The following MAML2 variants were observed in gnomAD, a reference collection of about 807,000 sequenced individuals.
MAML2 encodes mastermind like transcriptional coactivator 2, also known as mastermind-like protein 2.
In MAML2, 22 loss-of-function variants were observed where a neutral mutation model predicts 96.1. The ratio of observed to expected loss-of-function variants is 0.23; its 90% CI spans 0.16 to 0.33. The LOEUF (loss-of-function observed/expected upper bound fraction) is 0.33. Among genes scored for constraint, MAML2 ranks in the 10% least tolerant of loss-of-function variants. The pLI, the probability that MAML2 is intolerant of heterozygous loss-of-function variation, is 1.00. For missense variants in MAML2, 1,367 were observed against 1,392.4 expected (o/e 0.98, Z 0.29); for synonymous variants, 561 against 521.3 (o/e 1.08, Z -1.04).
At chr11:96,153,474 T>C (rs1271257310) in intron 1 of MAML2, among the ~76,000 whole-genome samples, 1 of 152,222 alleles carries the variant, frequency 6.6e-6, no homozygotes, top group Non-Finnish European at 1.5e-5. Context: ...CATGAATTTA[T>C]TAGGATTAAT....
At chr11:96,071,693 C>T (rs58112248) in intron 2 of MAML2, among the ~76,000 whole-genome samples, 2,272 of 152,308 alleles carry the variant, frequency 0.015, 48 homozygotes, top group African/African-American at 0.051. Context: ...TGAAAAGACT[C>T]ATGGATATTT....
intron 1 of MAML2, among the ~76,000 whole-genome samples, chr11:96,098,202 T>C (rs1417271385): frequency 2.0e-5 from 3 of 152,152 alleles, no homozygotes; most frequent in Non-Finnish European, 4.4e-5. Context: ...GTTCAGGCCA[T>C]CACTCCTGAG....
chr11:96,218,195 A>C lies in MAML2; in HGVS notation c.513+123188T>G, dbSNP rs79476997. Among the ~76,000 whole-genome samples, 41 of 152,368 alleles carry C rather than the reference A, an allele frequency of 2.7e-4. No homozygotes were observed. The East Asian group carries it at 6.4e-3, about 24-fold the overall frequency. ...TGTGCCTTTTGAATTTTTCCACAGC[A>C]GTGTCAGTGACAGAAGGCAGCTGTA... is the stretch of plus-strand genomic sequence containing the variant. On this transcript the variant is annotated intron_variant, in intron 1 of 4. Transcript: ENST00000524717.
chr11:96,284,363 C>T (rs1403699672), intron 1 of MAML2, among the ~76,000 whole-genome samples: 1 of 152,198 alleles, frequency 6.6e-6, no homozygotes, highest in Non-Finnish European at 1.5e-5. Context: ...ATATCTCTAA[C>T]AACATAGTCC....
chr11:96,247,165 A>G (rs552702445), intron 1 of MAML2, among the ~76,000 whole-genome samples: 3 of 152,240 alleles, frequency 2.0e-5, no homozygotes, highest in East Asian at 3.8e-4. Flanking sequence ...AGTCAGCTCA[A>G]CACACACATT....
At chr11:96,148,374 A>C (rs1482398734) in intron 1 of MAML2, among the ~76,000 whole-genome samples, 2 of 152,068 alleles carry the variant, frequency 1.3e-5, no homozygotes, top group East Asian at 3.9e-4. Flanking sequence ...TATACATATG[A>C]ATTTGAGGGC....
chr11:96,333,964 C>T (rs1418045700), intron 1 of MAML2, among the ~76,000 whole-genome samples: 1 of 152,178 alleles, frequency 6.6e-6, no homozygotes, highest in African/African-American at 2.4e-5. Context: ...GAAACCCAGA[C>T]TGAATTCTAG....
chr11:96,063,302 T>C, intron 2 of MAML2, among the ~76,000 whole-genome samples: 1 of 152,208 alleles, frequency 6.6e-6, no homozygotes, highest in East Asian at 1.9e-4. Flanking sequence ...TCATAACTTG[T>C]TCTTTGTTTT....
chr11:96,298,562 T>C (rs1863333527), intron 1 of MAML2, among the ~76,000 whole-genome samples: 1 of 151,864 alleles, frequency 6.6e-6, no homozygotes, highest in South Asian at 2.1e-4. Flanking sequence ...AGTGCTGGGT[T>C]ATATAAGAGA....
intron 1 of MAML2, among the ~76,000 whole-genome samples, chr11:96,175,265 C>A (rs1763740437): frequency 6.6e-6 from 1 of 152,200 alleles, no homozygotes; most frequent in Non-Finnish European, 1.5e-5. Context: ...AGATGCTATT[C>A]CTCATCAAGG....
intron 1 of MAML2, among the ~76,000 whole-genome samples, chr11:96,291,803 T>C (rs796809807): frequency 2.3e-4 from 35 of 152,298 alleles, no homozygotes; most frequent in African/African-American, 8.2e-4. Flanking sequence ...CCTTGGAAGG[T>C]ATAAGTATGT....
At chr11:96,152,761 GGA>G (rs1337894117) in intron 1 of MAML2, among the ~76,000 whole-genome samples, 2 of 152,178 alleles carry the variant, frequency 1.3e-5, no homozygotes, top group Non-Finnish European at 2.9e-5. Flanking sequence ...GGTAAAAGAA[GGA>G]GAGGAGTTTT....
intron 2 of MAML2, among the ~76,000 whole-genome samples, chr11:96,040,112 C>G (rs1238389423): frequency 6.6e-6 from 1 of 152,134 alleles, no homozygotes; most frequent in African/African-American, 2.4e-5. Flanking sequence ...TCATGTTTTC[C>G]TGGTTCAATA....
At chr11:96,159,410 T>TTTTTTTTTTTTTG in intron 1 of MAML2, among the ~76,000 whole-genome samples, 1 of 111,910 alleles carries the variant, frequency 8.9e-6, no homozygotes, top group Non-Finnish European at 1.9e-5. Flanking sequence ...ACTGATTCTT[T>TTTTTTTTTTTTTG]TTTTTTTTTT....
chr11:96,107,766 T>G (rs1460409177), intron 1 of MAML2, among the ~76,000 whole-genome samples: 3 of 152,148 alleles, frequency 2.0e-5, no homozygotes, highest in Non-Finnish European at 4.4e-5. Context: ...GTCTATGTAA[T>G]GAGGCTTCCA....
rs148883233 is a variant in MAML2 at position 96,181,109 on chromosome 11, G to A, written c.514-87592C>T. On this transcript the variant is annotated intron_variant, in intron 1 of 4. Coordinates refer to ENST00000524717, the MANE Select transcript of MAML2 (RefSeq NM_032427.4). ...GTGTAATATCATCAGTTAAGGTGGG[G>A]CAGGGCATATTCACTTCTTTTGTGA... 3.4e-3 allele frequency among the ~76,000 whole-genome samples: 514 copies of A among 152,260 alleles called. 6 individuals carry two copies. The highest frequency in any genetic ancestry group is 0.011 in the African/African-American group (453 of 41,548).
intron 1 of MAML2, among the ~76,000 whole-genome samples, chr11:96,277,837 A>G (rs1054385347): frequency 4.4e-4 from 67 of 152,138 alleles, no homozygotes; most frequent in African/African-American, 1.6e-3. Flanking sequence ...TAGTATCCTG[A>G]AAAAGTTAAT....
intron 1 of MAML2, among the ~76,000 whole-genome samples, chr11:96,243,655 CTT>C (rs11394033): frequency 8.8e-5 from 12 of 135,682 alleles, no homozygotes; most frequent in East Asian, 2.2e-4. Context: ...CCTTCTTTTT[CTT>C]TTTTTTTTTT....
chr11:96,072,174 T>C (rs367712095), intron 2 of MAML2, among the ~76,000 whole-genome samples: 16 of 152,200 alleles, frequency 1.1e-4, no homozygotes, highest in African/African-American at 3.9e-4. Context: ...CAACATGCAG[T>C]GTTCTTACAT....
Sources: gnomAD v4.1 joint callset for allele counts (sites outside exome capture counted in the v4.1 genomes callset) on GRCh38, gnomAD v4.1.1 for gene constraint, MANE v1.5 for transcripts, NCBI Gene and HGNC (gene_info 2026-07-23, HGNC 2026-07-21) for gene names.